Variants in ANGPT1 observed in about 807,000 individuals in gnomAD.
ANGPT1 encodes angiopoietin-1.
In ANGPT1, 17 loss-of-function variants were observed where a neutral mutation model predicts 62.2. That is an observed-to-expected ratio of 0.27 (90% CI 0.19 to 0.41). The LOEUF (loss-of-function observed/expected upper bound fraction) is 0.41. ANGPT1 is among the 10% of genes least tolerant of loss of function. ANGPT1 has a pLI of 1.00. For synonymous variants in ANGPT1, 199 were observed against 198.9 expected (o/e 1.00, Z 0.00); for missense variants, 478 against 594.9 (o/e 0.80, Z 2.04).
At chr8:107,458,734 A>G (rs181025631) in intron 1 of ANGPT1, among the ~76,000 whole-genome samples, 1 of 152,308 alleles carries the variant, frequency 6.6e-6, no homozygotes, top group Admixed American at 6.5e-5. Flanking sequence ...AATATTAAAC[A>G]CATTGAACAT....
chr8:107,392,223 C>A (rs1344279765), intron 1 of ANGPT1, among the ~76,000 whole-genome samples: 1 of 151,876 alleles, frequency 6.6e-6, no homozygotes, highest in African/African-American at 2.4e-5. Flanking sequence ...CATTTTTATT[C>A]CAGTAGGATA....
At chr8:107,459,519 C>A (rs1035257732) in intron 1 of ANGPT1, among the ~76,000 whole-genome samples, 64 of 151,722 alleles carry the variant, frequency 4.2e-4, no homozygotes, top group African/African-American at 1.5e-3. Context: ...ACAACAACAA[C>A]AACAACAACA....
chr8:107,475,403 A>T (rs1392115286), intron 1 of ANGPT1, among the ~76,000 whole-genome samples: 1 of 152,172 alleles, frequency 6.6e-6, no homozygotes, highest in East Asian at 1.9e-4. Flanking sequence ...CTGAAACAGG[A>T]CCCCTTCCTT....
At chr8:107,393,835 A>C (rs1816882517) in intron 1 of ANGPT1, among the ~76,000 whole-genome samples, 1 of 152,174 alleles carries the variant, frequency 6.6e-6, no homozygotes, top group Non-Finnish European at 1.5e-5. Context: ...ACAAACAAAA[A>C]AATGGGGGAT....
At chr8:107,338,436 C>A (rs1039542447) in intron 2 of ANGPT1, among the ~76,000 whole-genome samples, 2 of 152,192 alleles carry the variant, frequency 1.3e-5, no homozygotes, top group African/African-American at 4.8e-5. Context: ...ACAGTCCTAG[C>A]CCCGCAAGGG....
intron 2 of ANGPT1, among the ~76,000 whole-genome samples, chr8:107,337,992 A>T (rs1030843686): frequency 6.6e-6 from 1 of 152,188 alleles, no homozygotes; most frequent in African/African-American, 2.4e-5. Context: ...GCTACTCAGG[A>T]GGCTAAGGAA....
intron 1 of ANGPT1, among the ~76,000 whole-genome samples, chr8:107,373,080 A>G (rs907025917): frequency 2.6e-5 from 4 of 152,166 alleles, no homozygotes; most frequent in Admixed American, 6.5e-5. Flanking sequence ...TCAGACAGAA[A>G]AGTGATAATC....
At chr8:107,440,003 A>G (rs1010868134) in intron 1 of ANGPT1, among the ~76,000 whole-genome samples, 1 of 152,200 alleles carries the variant, frequency 6.6e-6, no homozygotes, top group African/African-American at 2.4e-5. Context: ...GTGCAGGGAA[A>G]GCAGAATAGA....
intron 1 of ANGPT1, among the ~76,000 whole-genome samples, chr8:107,388,557 C>T (rs1816776853): frequency 1.3e-5 from 2 of 152,224 alleles, no homozygotes; most frequent in African/African-American, 2.4e-5. Context: ...CATCTTAGCT[C>T]GTTGTCATTT....
At chr8:107,473,378 A>G (rs1458344924) in intron 1 of ANGPT1, among the ~76,000 whole-genome samples, 1 of 152,072 alleles carries the variant, frequency 6.6e-6, no homozygotes, top group Non-Finnish European at 1.5e-5. Context: ...AGCATTTCAC[A>G]GTTTGCTATT....
intron 7 of ANGPT1, chr8:107,284,472 C>G (rs913170070): frequency 3.0e-6 from 1 of 338,606 alleles, no homozygotes; most frequent in Non-Finnish European, 5.2e-6. Flanking sequence ...AAGCCAATAT[C>G]AAAGATAGTC....
chr8:107,481,843 A>C (rs939116441), intron 1 of ANGPT1, among the ~76,000 whole-genome samples: 1 of 152,184 alleles, frequency 6.6e-6, no homozygotes, highest in Non-Finnish European at 1.5e-5. Context: ...CACTCTCATG[A>C]GAACAGCATG....
chr8:107,464,971 G>A (rs1452069648), intron 1 of ANGPT1, among the ~76,000 whole-genome samples: 1 of 152,018 alleles, frequency 6.6e-6, no homozygotes, highest in Non-Finnish European at 1.5e-5. Flanking sequence ...CCGATATTTG[G>A]TCTCCTATAA....
chr8:107,311,059 G>C (rs1814849120), intron 4 of ANGPT1, among the ~76,000 whole-genome samples: 2 of 151,430 alleles, frequency 1.3e-5, no homozygotes, highest in South Asian at 4.2e-4. Flanking sequence ...TCTAGTATCA[G>C]GCATGGAGAC....
chr8:107,304,629 G>A (rs1586205819), intron 4 of ANGPT1, among the ~76,000 whole-genome samples: 2 of 151,654 alleles, frequency 1.3e-5, no homozygotes, highest in East Asian at 3.9e-4. Flanking sequence ...TAACTTATAG[G>A]TATTGAGCAG....
In ANGPT1 at chr8:107,323,498, AG is replaced by A. The variant is rs1446627449; in HGVS notation, c.576-1371del. Among the ~76,000 whole-genome samples, 4 of 152,180 alleles carry A rather than the reference AG, an allele frequency of 2.6e-5. No individual in the cohort carries two copies. The East Asian group carries it at 7.7e-4, about 29-fold the overall frequency. ...TTGAAGAGCCAAATCTTCCAACACCAGGTACTGGGGGACAAAGTGTAACATC... is the reference window on the plus strand; with the variant it reads ...TTGAAGAGCCAAATCTTCCAACACCAGTACTGGGGGACAAAGTGTAACATC... On this transcript the variant is annotated intron_variant, in intron 3 of 8. Transcript: ENST00000517746.
intron 1 of ANGPT1, among the ~76,000 whole-genome samples, chr8:107,489,952 A>T (rs1812915525): frequency 6.6e-6 from 1 of 151,684 alleles, no homozygotes; most frequent in Non-Finnish European, 1.5e-5. Flanking sequence ...AAAAAAAAAG[A>T]AGAAAAGAAA....
intron 7 of ANGPT1, among the ~76,000 whole-genome samples, chr8:107,264,902 G>T (rs2514885): frequency 0.87 from 131,758 of 152,154 alleles, 57,077 homozygotes; most frequent in Middle Eastern, 0.9. Flanking sequence ...GAATTTAGCT[G>T]GTATGAGTCT....
chr8:107,273,300 G>A (rs1284059784), intron 7 of ANGPT1, among the ~76,000 whole-genome samples: 2 of 152,070 alleles, frequency 1.3e-5, no homozygotes, highest in Non-Finnish European at 2.9e-5. Flanking sequence ...AAACCATTGA[G>A]ATGCATTGTC....
Sources: gnomAD v4.1 joint callset for allele counts (sites outside exome capture counted in the v4.1 genomes callset) on GRCh38, gnomAD v4.1.1 for gene constraint, MANE v1.5 for transcripts, NCBI Gene and HGNC (gene_info 2026-07-23, HGNC 2026-07-21) for gene names.